The following BFSP2 variants were observed in gnomAD, a reference collection of about 807,000 sequenced individuals.
BFSP2 encodes the protein phakinin.
BFSP2 carries 38 observed loss-of-function variants against 44.9 expected under a neutral mutation model. The observed-to-expected ratio is 0.85, with a 90% CI of 0.65 to 1.11. The LOEUF is 1.11. Among genes scored for constraint, BFSP2 ranks in the 50% least tolerant of loss-of-function variants. BFSP2 has a pLI of 0.00. For synonymous variants in BFSP2, 197 were observed against 209.9 expected (o/e 0.94, Z 0.53); for missense variants, 525 against 533.0 (o/e 0.99, Z 0.15).
At chr3:133,415,255 T>TATA (rs2073508695) in intron 1 of BFSP2, among the ~76,000 whole-genome samples, 1 of 93,330 alleles carries the variant, frequency 1.1e-5, no homozygotes, top group Non-Finnish European at 2.1e-5. Context: ...TACTCACCCC[T>TATA]GCCCCCTCTG....
intron 1 of BFSP2, among the ~76,000 whole-genome samples, chr3:133,413,139 T>C (rs981501862): frequency 6.6e-6 from 1 of 152,262 alleles, no homozygotes; most frequent in Non-Finnish European, 1.5e-5. Context: ...GGGTATATAC[T>C]CTTTGACACT....
chr3:133,445,159 G>A (rs532348654), intron 1 of BFSP2, among the ~76,000 whole-genome samples: 4 of 152,374 alleles, frequency 2.6e-5, no homozygotes, highest in African/African-American at 4.8e-5. Flanking sequence ...TGGGGAAGCC[G>A]TGTTTGAAAT....
intron 1 of BFSP2, among the ~76,000 whole-genome samples, chr3:133,431,295 C>T (rs1018932322): frequency 1.1e-4 from 17 of 152,186 alleles, no homozygotes; most frequent in Non-Finnish European, 2.2e-4. Flanking sequence ...TTCCTTGCCT[C>T]CACTCTGAGA....
At chr3:133,434,310 C>T (rs1187038888) in intron 1 of BFSP2, among the ~76,000 whole-genome samples, 1 of 152,104 alleles carries the variant, frequency 6.6e-6, no homozygotes, top group Admixed American at 6.5e-5. Context: ...TTCTACACGA[C>T]AAATGTTTCT....
chr3:133,408,471 G>A (rs1283900410), intron 1 of BFSP2, among the ~76,000 whole-genome samples: 1 of 152,174 alleles, frequency 6.6e-6, no homozygotes, highest in Non-Finnish European at 1.5e-5. Flanking sequence ...AAATTATATA[G>A]GCATTTATGT....
chr3:133,443,746 G>T (rs2073867658), intron 1 of BFSP2, among the ~76,000 whole-genome samples: 1 of 152,148 alleles, frequency 6.6e-6, no homozygotes, highest in South Asian at 2.1e-4. Context: ...CTTGCATCTT[G>T]CCACTGCACC....
At chr3:133,418,462 G>C (rs900720845) in intron 1 of BFSP2, among the ~76,000 whole-genome samples, 31 of 152,134 alleles carry the variant, frequency 2.0e-4, no homozygotes, top group African/African-American at 7.5e-4. Flanking sequence ...GAGTTCACTG[G>C]GTGTGGGTAC....
intron 1 of BFSP2, among the ~76,000 whole-genome samples, chr3:133,417,323 C>T (rs557776191): frequency 7.8e-5 from 11 of 140,746 alleles, no homozygotes; most frequent in Non-Finnish European, 1.4e-4. Flanking sequence ...TCTACTCGGC[C>T]CTGCCATCTC....
intron 1 of BFSP2, among the ~76,000 whole-genome samples, chr3:133,407,674 C>CA (rs1238804482): frequency 1.3e-5 from 2 of 151,728 alleles, no homozygotes; most frequent in East Asian, 1.9e-4. Flanking sequence ...AGCGTTGGCA[C>CA]AAAAAAGATG....
chr3:133,464,530 A>G (rs965023187), intron 4 of BFSP2, among the ~76,000 whole-genome samples: 2 of 152,244 alleles, frequency 1.3e-5, no homozygotes, highest in African/African-American at 2.4e-5. Context: ...GTATTTAACT[A>G]TTACTATTTA....
chr3:133,462,315 G>A (rs1031173157), intron 4 of BFSP2, among the ~76,000 whole-genome samples: 3 of 152,236 alleles, frequency 2.0e-5, no homozygotes, highest in Admixed American at 2.0e-4. Flanking sequence ...GAAAAACCAT[G>A]TCAGTGGTGC....
In BFSP2 at chr3:133,463,460, C is replaced by G. The variant is rs188733202; in HGVS notation, c.892-3368C>G. On this transcript the variant is annotated intron_variant, in intron 4 of 6. Transcript: ENST00000302334. ...TTGGCATGCTTCTGGGATCTTTCAT[C>G]CCTTCTCCCGATTCCTCCCTTGGGG... Among the ~76,000 whole-genome samples, 30 of 152,362 alleles carry G rather than the reference C, an allele frequency of 2.0e-4. No homozygotes were observed. The East Asian group carries it at 5.6e-3, about 28-fold the overall frequency.
chr3:133,407,058 A>G (rs2073410997), intron 1 of BFSP2, among the ~76,000 whole-genome samples: 1 of 152,168 alleles, frequency 6.6e-6, no homozygotes, highest in Non-Finnish European at 1.5e-5. Context: ...TGGGTGACAG[A>G]GCAAGACCCT....
intron 1 of BFSP2, among the ~76,000 whole-genome samples, chr3:133,440,510 G>A (rs910041214): frequency 6.6e-6 from 1 of 152,134 alleles, no homozygotes; most frequent in Non-Finnish European, 1.5e-5. Flanking sequence ...AAATGGTAGG[G>A]TTTAAACCCT....
chr3:133,403,885 G>A (rs79962396), intron 1 of BFSP2, among the ~76,000 whole-genome samples: 2 of 152,246 alleles, frequency 1.3e-5, no homozygotes, highest in African/African-American at 4.8e-5. Context: ...CAGGAGGAGG[G>A]AAACAATTGC....
intron 1 of BFSP2, among the ~76,000 whole-genome samples, chr3:133,430,483 G>A (rs2073702553): frequency 6.6e-6 from 1 of 152,050 alleles, no homozygotes; most frequent in Non-Finnish European, 1.5e-5. Flanking sequence ...TTGTGGTTTT[G>A]ATTTGCATTT....
At chr3:133,419,303 G>C (rs956284091) in intron 1 of BFSP2, among the ~76,000 whole-genome samples, 2 of 152,178 alleles carry the variant, frequency 1.3e-5, no homozygotes, top group African/African-American at 4.8e-5. Context: ...GGGGGAGGAA[G>C]GACACGATTC....
chr3:133,475,183 A>T lies in BFSP2; in HGVS notation c.*211A>T, dbSNP rs1461849242. 4.3e-5 allele frequency: 29 copies of T among 674,660 alleles called. No individual in the cohort carries two copies. The highest frequency in any genetic ancestry group is 6.4e-5 in the Non-Finnish European group (25 of 391,898). 41.8% of individuals were successfully genotyped at this position (674,660 alleles called of 1,614,324 possible). On this transcript the variant is annotated 3_prime_UTR_variant, in exon 7 of 7. Transcript: ENST00000302334. ...GAGCAATCTCCCTTGTCCTCCTTCA[A>T]ATAAATGCTTTGTGCGCAGCGTCCA...
intron 1 of BFSP2, among the ~76,000 whole-genome samples, chr3:133,409,021 A>T (rs1337087547): frequency 6.6e-6 from 1 of 152,274 alleles, no homozygotes; most frequent in African/African-American, 2.4e-5. Flanking sequence ...TCTAAGAATC[A>T]AAAATAAAAA....
Sources: gnomAD v4.1 joint callset for allele counts (sites outside exome capture counted in the v4.1 genomes callset) on GRCh38, gnomAD v4.1.1 for gene constraint, MANE v1.5 for transcripts, NCBI Gene and HGNC (gene_info 2026-07-23, HGNC 2026-07-21) for gene names.